Variants in WDPCP observed in about 807,000 individuals in gnomAD.
The protein encoded by WDPCP is WD repeat-containing and planar cell polarity effector protein fritz homolog.
A neutral mutation model predicts 93.1 loss-of-function variants in WDPCP; 71 were observed. That is an observed-to-expected ratio of 0.76 (90% CI 0.63 to 0.93). The LOEUF (loss-of-function observed/expected upper bound fraction) is 0.93, where lower values mean the gene tolerates loss of function less well. Among genes scored for constraint, WDPCP ranks in the 40% least tolerant of loss-of-function variants. WDPCP has a pLI of 0.00. For missense variants in WDPCP, 844 were observed against 887.4 expected, an observed-to-expected ratio of 0.95 and a Z score of 0.62; for synonymous variants, 315 against 315.0, an observed-to-expected ratio of 1.00 and a Z score of 0.00.
chr2:63,332,977 C>A (rs1269855899), intron 12 of WDPCP, among the ~76,000 whole-genome samples: 3 of 152,160 alleles, frequency 2.0e-5, no homozygotes, highest in Admixed American at 2.0e-4. Context: ...TCCACTTTTC[C>A]TGAAGGTCTA....
chr2:63,199,309 A>G (rs962241934), intron 14 of WDPCP, among the ~76,000 whole-genome samples: 5 of 152,222 alleles, frequency 3.3e-5, no homozygotes, highest in Admixed American at 2.0e-4. Flanking sequence ...GCTGAATGTT[A>G]GTAAAGACAA....
intron 1 of WDPCP, chr2:63,571,652 C>T (rs1707513425): frequency 2.1e-6 from 1 of 469,852 alleles, no homozygotes; most frequent in South Asian, 1.6e-5. Flanking sequence ...TTCAATATGA[C>T]CTACTCCACC....
chr2:63,272,962 A>C (rs1682774450), intron 13 of WDPCP, among the ~76,000 whole-genome samples: 1 of 152,240 alleles, frequency 6.6e-6, no homozygotes, highest in African/African-American at 2.4e-5. Context: ...GTCACTGTTA[A>C]GAGTCAAAGA....
chr2:63,469,829 C>T (rs1172913224), intron 6 of WDPCP, among the ~76,000 whole-genome samples: 29 of 152,180 alleles, frequency 1.9e-4, no homozygotes, highest in Admixed American at 1.9e-3. Flanking sequence ...CAAACCTGCA[C>T]ATGTACTCTT....
intron 1 of WDPCP, among the ~76,000 whole-genome samples, chr2:63,546,991 T>C (rs1259511031): frequency 6.6e-6 from 1 of 151,492 alleles, no homozygotes; most frequent in East Asian, 1.9e-4. Context: ...AATTAGAAAC[T>C]CAATAGAAAG....
At chr2:63,827,064 G>GAAGTCTT (rs1671123292) in intron 1 of WDPCP, among the ~76,000 whole-genome samples, 1 of 152,162 alleles carries the variant, frequency 6.6e-6, no homozygotes, top group Non-Finnish European at 1.5e-5. Flanking sequence ...TTCCTTGTAA[G>GAAGTCTT]TCATCCTAGA....
At chr2:63,468,733 T>G (rs1699511241) in intron 6 of WDPCP, among the ~76,000 whole-genome samples, 1 of 152,182 alleles carries the variant, frequency 6.6e-6, no homozygotes, top group South Asian at 2.1e-4. Flanking sequence ...TTTTTCTTTC[T>G]GTCTGTCTCT....
intron 14 of WDPCP, among the ~76,000 whole-genome samples, chr2:63,201,676 G>A (rs542418134): frequency 5.4e-4 from 82 of 152,222 alleles, no homozygotes; most frequent in African/African-American, 1.9e-3. Context: ...CTATTATTGT[G>A]GGGGGAGCAC....
chr2:63,524,565 A>G (rs1703180806), intron 1 of WDPCP, among the ~76,000 whole-genome samples: 1 of 152,224 alleles, frequency 6.6e-6, no homozygotes, highest in South Asian at 2.1e-4. Flanking sequence ...GAAGATTGAA[A>G]CTTGGCCCCT....
chr2:63,151,791 G>A (rs2103810992), intron 17 of WDPCP, among the ~76,000 whole-genome samples: 1 of 152,258 alleles, frequency 6.6e-6, no homozygotes, highest in South Asian at 2.1e-4. Context: ...AATTAGCAAA[G>A]TCCTATCACA....
chr2:63,486,680 G>C lies in WDPCP; in HGVS notation c.209-94C>G, dbSNP rs1021321472. The C allele has an allele frequency of 1.4e-5, 15 of 1,102,340 alleles. No individual in the cohort carries two copies. The African/African-American group carries it at 2.4e-4, about 18-fold the overall frequency. The allele number at this position is 1,102,340 out of a possible 1,614,324, so 68.3% of individuals were successfully genotyped here. ...GTATTTTAATATGTACATGTATAAG[G>C]TATTATTAACATTACATGCATTATT... On this transcript the variant is annotated intron_variant, in intron 3 of 17. Transcript: ENST00000272321.
chr2:63,550,200 CACA>C, intron 1 of WDPCP, among the ~76,000 whole-genome samples: 1 of 8,838 alleles, frequency 1.1e-4, no homozygotes, highest in African/African-American at 1.4e-3. Flanking sequence ...GAAACACACA[CACA>C]CACACACACA....
At chr2:63,318,218 C>G (rs1686811219) in intron 12 of WDPCP, among the ~76,000 whole-genome samples, 1 of 152,110 alleles carries the variant, frequency 6.6e-6, no homozygotes, top group East Asian at 1.9e-4. Flanking sequence ...CAATGAGATA[C>G]CATCTCATAA....
At position 63,404,244 on chromosome 2, in the gene WDPCP, G is replaced by A. The variant is rs369050743; in HGVS notation, c.1239C>T (p.Ile413=). Residue 413 remains isoleucine (I), a synonymous_variant, in exon 10 of 18, where the codon ATC becomes ATT. Transcript: ENST00000272321. ...IFDMALSPIN[I]QLLAEDRLPR... ...GTAAGCGGTCTTCAGCCAACAGTTG[G>A]ATGTTAATAGGGGATAGAGCCATAT... The A allele has an allele frequency of 9.3e-6, 15 of 1,613,548 alleles. No homozygotes were observed.
chr2:63,293,408 A>C (rs1413655603), intron 13 of WDPCP, among the ~76,000 whole-genome samples: 1 of 152,180 alleles, frequency 6.6e-6, no homozygotes, highest in African/African-American at 2.4e-5. Flanking sequence ...CAAACCCTGG[A>C]GAAGGATGTG....
At chr2:63,280,082 A>G (rs887869142) in intron 13 of WDPCP, among the ~76,000 whole-genome samples, 3 of 152,174 alleles carry the variant, frequency 2.0e-5, no homozygotes, top group Non-Finnish European at 4.4e-5. Flanking sequence ...GTCTACAAAT[A>G]CCACCATCAT....
chr2:63,703,699 G>A (rs1249901379), intron 2 of WDPCP, among the ~76,000 whole-genome samples: 1 of 152,116 alleles, frequency 6.6e-6, no homozygotes, highest in Admixed American at 6.5e-5. Context: ...TTTGGTTACT[G>A]TAGCCTTGTA....
At chr2:63,656,906 G>A (rs1710173075) in intron 2 of WDPCP, among the ~76,000 whole-genome samples, 1 of 152,208 alleles carries the variant, frequency 6.6e-6, no homozygotes, top group Non-Finnish European at 1.5e-5. Context: ...CAAGAAGATG[G>A]CATTTGGTGA....
At chr2:63,647,469 G>A (rs1243656968) in intron 3 of WDPCP, among the ~76,000 whole-genome samples, 3 of 152,078 alleles carry the variant, frequency 2.0e-5, no homozygotes, top group East Asian at 1.9e-4. Flanking sequence ...GATGTATACA[G>A]CAACCTGGAT....
Sources: allele counts gnomAD v4.1 joint callset (sites outside exome capture counted in the v4.1 genomes callset), GRCh38; gene constraint gnomAD v4.1.1; transcripts MANE v1.5; gene names NCBI Gene and HGNC (gene_info 2026-07-23, HGNC 2026-07-21).